Variants in CELA2B observed in about 807,000 individuals in gnomAD.
CELA2B encodes chymotrypsin like elastase 2B, also known as chymotrypsin-like elastase family member 2B.
A neutral mutation model predicts 36.5 loss-of-function variants in CELA2B; 27 were observed. The observed-to-expected ratio is 0.74, with a 90% CI of 0.55 to 1.02. The LOEUF is 1.02. CELA2B is among the 50% of genes least tolerant of loss of function. CELA2B has a pLI of 0.00. For synonymous variants in CELA2B, 143 were observed against 148.5 expected (o/e 0.96, Z 0.27); for missense variants, 340 against 347.8 (o/e 0.98, Z 0.18).
intron 5 of CELA2B, among the ~76,000 whole-genome samples, chr1:15,485,529 G>T (rs149915265): frequency 1.6e-3 from 250 of 152,364 alleles, no homozygotes; most frequent in African/African-American, 5.7e-3. Flanking sequence ...GAGAAACTCA[G>T]GAAACACTCA....
At chr1:15,483,143 G>A in intron 4 of CELA2B, 121 bp from the exon 5 acceptor site, 2 of 1,481,104 alleles carry the variant, frequency 1.4e-6, no homozygotes, top group Middle Eastern at 2.5e-4. Context: ...TGTGGGCCCT[G>A]CCGGTCAGAG....
intron 5 of CELA2B, 187 bp from the exon 6 acceptor site, chr1:15,485,714 G>C: frequency 2.7e-6 from 2 of 739,748 alleles, no homozygotes. Flanking sequence ...GGTGTTCACT[G>C]CTGAACCAAT....
Position 15,488,694 on chromosome 1 carries a change from A to G in CELA2B, c.792+1257A>G, listed in dbSNP as rs150538563. The stretch of plus-strand genomic sequence containing the variant: ...GAGCCCCCAAAGAAGGGGAAAGCTG[A>G]CATCTGACTTCACTAAGTTTAATTT... On this transcript the variant is annotated intron_variant, in intron 7 of 7. Coordinates refer to ENST00000375910, the MANE Select transcript of CELA2B (RefSeq NM_015849.3). 3.7e-3 allele frequency among the ~76,000 whole-genome samples: 564 copies of G among 152,374 alleles called. 5 individuals carry two copies. Among genetic ancestry groups the G allele is most frequent in the East Asian group, 0.023 (117 of 5,188 alleles).
chr1:15,477,702 T>C (rs953079524), intron 2 of CELA2B, among the ~76,000 whole-genome samples: 1 of 152,208 alleles, frequency 6.6e-6, no homozygotes. Flanking sequence ...TCAAAGACAC[T>C]AATTCAAGAG....
rs368752949 is a variant in CELA2B at position 15,482,262 on chromosome 1, C to A, written c.228-3C>A. 12 of 1,613,748 alleles carry A rather than the reference C, an allele frequency of 7.4e-6. No homozygotes were observed. In the African/African-American group the frequency reaches 1.6e-4, roughly 22 times the overall value. The stretch of plus-strand genomic sequence containing the variant: ...CCCTCTCCCTGGGACCCCTTTCTCC[C>A]AGCTCCTCCGGGATCTACCGCGTGA... On this transcript the variant is annotated splice_region_variant and splice_polypyrimidine_tract_variant and intron_variant, in intron 3 of 7. Coordinates refer to ENST00000375910, the MANE Select transcript of CELA2B (RefSeq NM_015849.3).
intron 7 of CELA2B, among the ~76,000 whole-genome samples, chr1:15,490,634 G>A (rs1438840666): frequency 6.6e-6 from 1 of 152,118 alleles, no homozygotes; most frequent in Non-Finnish European, 1.5e-5. Context: ...TTGGGAAGCC[G>A]AGACGGGTAG....
intron 5 of CELA2B, among the ~76,000 whole-genome samples, chr1:15,483,929 CAA>C (rs111370462): frequency 7.2e-5 from 10 of 138,282 alleles, no homozygotes; most frequent in African/African-American, 1.0e-4. Flanking sequence ...ACTCCATCTC[CAA>C]AAAAAAAAAA....
chr1:15,479,881 G>A (rs1244391221), intron 2 of CELA2B, among the ~76,000 whole-genome samples: 1 of 152,214 alleles, frequency 6.6e-6, no homozygotes. Context: ...TGGTGTATGT[G>A]CAGAACTGCA....
Position 15,487,385 on chromosome 1 carries a change from A to G in CELA2B, c.740A>G (p.Tyr247Cys). 1 of 1,614,184 alleles carries G rather than the reference A, an allele frequency of 6.2e-7. No homozygotes were observed. The highest frequency in any genetic ancestry group is 2.2e-5 in the East Asian group (1 of 44,878). The change falls in exon 7 of 8, where the codon TAC becomes TGC. Residue 247 changes from tyrosine (Y) to cysteine (C), a missense_variant. By Grantham distance (194) the Tyr-to-Cys change is radical (BLOSUM62 -2). Coordinates refer to ENST00000375910, the MANE Select transcript of CELA2B (RefSeq NM_015849.3). ...TCGGTCCTTGGTTGCAACTACTACTACAAGCCCTCCATCTTCACGCGGGTC... is the reference window on the plus strand; with the variant it reads ...TCGGTCCTTGGTTGCAACTACTACTGCAAGCCCTCCATCTTCACGCGGGTC... ...LTSVLGCNYY[Y>C]KPSIFTRVSN...
In CELA2B at chr1:15,483,309, C is replaced by G. The variant is rs938903556; in HGVS notation, c.402C>G (p.Thr134=). The G allele has an allele frequency of 5.0e-6, 8 of 1,613,898 alleles. No individual in the cohort carries two copies. The South Asian group carries it at 6.6e-5, about 13-fold the overall frequency. The change falls in exon 5 of 8, where the codon ACC becomes ACG. Residue 134 remains threonine, a synonymous_variant. Transcript: ENST00000375910. ...AACTGGCTAACCCCGTCTCCCTCAC[C>G]GACAAGATCCAGCTGGCCTGCCTCC... ...LLKLANPVSL[T]DKIQLACLPP...
At chr1:15,478,271 T>G (rs888507663) in intron 2 of CELA2B, among the ~76,000 whole-genome samples, 6 of 151,748 alleles carry the variant, frequency 4.0e-5, no homozygotes, top group Admixed American at 3.9e-4. Flanking sequence ...TAGACAGAGT[T>G]TTGCTCTTGT....
chr1:15,480,969 CTTAAG>C, intron 2 of CELA2B, 124 bp from the exon 3 acceptor site: 1 of 923,798 alleles, frequency 1.1e-6, no homozygotes, highest in Non-Finnish European at 1.7e-6. Flanking sequence ...TGGGTGCCCC[CTTAAG>C]TTGTGTACCT....
chr1:15,478,835 G>A (rs1708705337), intron 2 of CELA2B, among the ~76,000 whole-genome samples: 1 of 152,104 alleles, frequency 6.6e-6, no homozygotes, highest in Admixed American at 6.6e-5. Context: ...CCAAAGTGCT[G>A]AGCTTACAGG....
intron 1 of CELA2B, 136 bp downstream of exon 1, chr1:15,476,301 A>T: frequency 7.0e-7 from 1 of 1,425,938 alleles, no homozygotes; most frequent in Non-Finnish European, 9.7e-7. Context: ...ACCGAAATGG[A>T]GTTTCAAAGA....
chr1:15,480,188 C>G (rs993871636), intron 2 of CELA2B, among the ~76,000 whole-genome samples: 8 of 152,100 alleles, frequency 5.3e-5, no homozygotes, highest in African/African-American at 1.9e-4. Context: ...AGGGTAGCAA[C>G]CACTCCACAA....
chr1:15,480,922 T>A (rs1194844581), intron 2 of CELA2B, among the ~76,000 whole-genome samples, 176 bp from the exon 3 acceptor site: 1 of 151,890 alleles, frequency 6.6e-6, no homozygotes, highest in East Asian at 1.9e-4. Flanking sequence ...TACTATAGAT[T>A]GCATTAAAAT....
chr1:15,486,158 G>A, intron 6 of CELA2B, 112 bp downstream of exon 6: 1 of 1,375,060 alleles, frequency 7.3e-7, no homozygotes, highest in Non-Finnish European at 1.0e-6. Flanking sequence ...CCTGGCAGAA[G>A]CACCCGGAAA....
chr1:15,487,373 G>A lies in CELA2B; in HGVS notation c.728G>A (p.Cys243Tyr). 1.2e-6 allele frequency: 2 copies of A among 1,614,236 alleles called. No individual in the cohort carries two copies. The highest frequency in any genetic ancestry group is 1.7e-6 in the Non-Finnish European group (2 of 1,180,042). ...GIGSLTSVLG[C>Y]NYYYKPSIFT... ...GGCAGCCTCACGTCGGTCCTTGGTT[G>A]CAACTACTACTACAAGCCCTCCATC... Residue 243 changes from cysteine to tyrosine, a missense_variant, in exon 7 of 8, where the codon TGC (cysteine) becomes TAC (tyrosine). Coordinates refer to ENST00000375910, the MANE Select transcript of CELA2B (RefSeq NM_015849.3).
chr1:15,487,875 G>T (rs1224764629), intron 7 of CELA2B, among the ~76,000 whole-genome samples: 2 of 152,292 alleles, frequency 1.3e-5, no homozygotes, highest in African/African-American at 4.8e-5. Context: ...ATTCTGTAGG[G>T]TGACCAACCA....
Sources: gnomAD v4.1 joint callset for allele counts (sites outside exome capture counted in the v4.1 genomes callset) on GRCh38, gnomAD v4.1.1 for gene constraint, MANE v1.5 for transcripts, NCBI Gene and HGNC (gene_info 2026-07-23, HGNC 2026-07-21) for gene names.